Variants in CACNA2D3 observed in about 807,000 individuals in gnomAD.
CACNA2D3 encodes voltage-dependent calcium channel subunit alpha-2/delta-3.
In CACNA2D3, 60 loss-of-function variants were observed where a neutral mutation model predicts 160.6. The ratio of observed to expected loss-of-function variants is 0.37; its 90% CI spans 0.30 to 0.46. CACNA2D3 has a LOEUF of 0.46. Among genes scored for constraint, CACNA2D3 ranks in the 20% least tolerant of loss-of-function variants. The pLI is 1.00. For missense variants in CACNA2D3, 1,205 were observed against 1,365.0 expected, an observed-to-expected ratio of 0.88 and a Z score of 1.85; for synonymous variants, 558 against 492.9, an observed-to-expected ratio of 1.13 and a Z score of -1.75.
At chr3:54,645,321 A>G (rs1559537541) in intron 11 of CACNA2D3, among the ~76,000 whole-genome samples, 1 of 152,210 alleles carries the variant, frequency 6.6e-6, no homozygotes, top group Non-Finnish European at 1.5e-5. Context: ...AGCTCCCTCA[A>G]CATCTGGGGA....
At chr3:54,142,260 C>T (rs1422230774) in intron 2 of CACNA2D3, among the ~76,000 whole-genome samples, 1 of 152,182 alleles carries the variant, frequency 6.6e-6, no homozygotes, top group Non-Finnish European at 1.5e-5. Context: ...GCCCTTCGTT[C>T]TCTTGTTTCT....
At chr3:54,452,923 G>T (rs965424893) in intron 4 of CACNA2D3, among the ~76,000 whole-genome samples, 1 of 151,820 alleles carries the variant, frequency 6.6e-6, no homozygotes, top group African/African-American at 2.4e-5. Context: ...ATCTTCCCTC[G>T]GTGTTCGTCT....
At chr3:54,277,176 C>A (rs1702763554) in intron 2 of CACNA2D3, among the ~76,000 whole-genome samples, 1 of 152,230 alleles carries the variant, frequency 6.6e-6, no homozygotes, top group African/African-American at 2.4e-5. Context: ...AACGTCTGCC[C>A]TTTCCTCCCT....
In CACNA2D3 at chr3:54,839,382, A is replaced by G. The variant is rs1389269853; in HGVS notation, c.1551+734A>G. ...GGGAGGGGGATGCCCTTGAGGCACA[A>G]CCCAGGCACACAGCACTGCCCAAGA... On this transcript the variant is annotated intron_variant, in intron 16 of 37. Transcript: ENST00000474759. 3.9e-5 allele frequency among the ~76,000 whole-genome samples: 6 copies of G among 152,176 alleles called. No individual in the cohort carries two copies. In the East Asian group the frequency reaches 1.2e-3, roughly 29 times the overall value.
chr3:54,207,396 T>C (rs1180867509), intron 2 of CACNA2D3, among the ~76,000 whole-genome samples: 1 of 150,760 alleles, frequency 6.6e-6, no homozygotes, highest in Non-Finnish European at 1.5e-5. Flanking sequence ...CACTGTGTCC[T>C]CTGTGTGATT....
chr3:54,342,921 A>G (rs7618315), intron 3 of CACNA2D3, among the ~76,000 whole-genome samples: 103,986 of 152,000 alleles, frequency 0.68, 35,819 homozygotes, highest in Non-Finnish European at 0.73. Context: ...GAGGAGCATG[A>G]GGCCCGGGGG....
intron 13 of CACNA2D3, among the ~76,000 whole-genome samples, chr3:54,791,609 T>G (rs1026687021): frequency 6.6e-6 from 1 of 152,194 alleles, no homozygotes; most frequent in Non-Finnish European, 1.5e-5. Context: ...ATGAGAAAAC[T>G]GTTGGTTTAT....
At chr3:54,738,448 C>T (rs900868040) in intron 11 of CACNA2D3, among the ~76,000 whole-genome samples, 3 of 152,224 alleles carry the variant, frequency 2.0e-5, no homozygotes, top group Non-Finnish European at 4.4e-5. Flanking sequence ...AAAGTCAACT[C>T]AGTTCCAGCA....
At chr3:54,992,879 T>A (rs567138640) in intron 31 of CACNA2D3, among the ~76,000 whole-genome samples, 16 of 151,974 alleles carry the variant, frequency 1.1e-4, no homozygotes, top group African/African-American at 3.9e-4. Flanking sequence ...ACAGGAAGCA[T>A]GGCTGGGGAG....
At chr3:54,423,565 G>A (rs1699869307) in intron 4 of CACNA2D3, among the ~76,000 whole-genome samples, 1 of 152,148 alleles carries the variant, frequency 6.6e-6, no homozygotes, top group Admixed American at 6.5e-5. Flanking sequence ...TGTTGACTGT[G>A]GGCTGCAGGC....
chr3:54,803,625 C>A (rs1362907498), intron 13 of CACNA2D3, among the ~76,000 whole-genome samples: 1 of 152,180 alleles, frequency 6.6e-6, no homozygotes, highest in African/African-American at 2.4e-5. Context: ...AGTTGGAAAA[C>A]ACTCTGCAGG....
chr3:54,176,716 T>G (rs1239418507), intron 2 of CACNA2D3, among the ~76,000 whole-genome samples: 1 of 152,238 alleles, frequency 6.6e-6, no homozygotes, highest in Non-Finnish European at 1.5e-5. Flanking sequence ...AAAACTACCC[T>G]ATACTTATTC....
chr3:55,017,893 T>C (rs932657144), intron 34 of CACNA2D3, among the ~76,000 whole-genome samples: 6 of 152,222 alleles, frequency 3.9e-5, no homozygotes, highest in African/African-American at 1.2e-4. Flanking sequence ...GATACACATA[T>C]GTGTTGTTGC....
At chr3:55,068,344 G>A (rs143154699) in intron 35 of CACNA2D3, among the ~76,000 whole-genome samples, 107 of 152,288 alleles carry the variant, frequency 7.0e-4, no homozygotes, top group African/African-American at 1.2e-3. Flanking sequence ...AGAATTGAGC[G>A]CATTTAATTT....
At chr3:54,634,972 T>G (rs1699333387) in intron 10 of CACNA2D3, among the ~76,000 whole-genome samples, 1 of 151,828 alleles carries the variant, frequency 6.6e-6, no homozygotes, top group Non-Finnish European at 1.5e-5. Context: ...AACAAGATAG[T>G]GTTGAAGTGT....
intron 11 of CACNA2D3, among the ~76,000 whole-genome samples, chr3:54,729,587 G>C (rs1701345764): frequency 6.6e-6 from 1 of 152,206 alleles, no homozygotes; most frequent in Non-Finnish European, 1.5e-5. Flanking sequence ...AGAAATGCCA[G>C]CTTTCCTCCA....
intron 4 of CACNA2D3, among the ~76,000 whole-genome samples, chr3:54,466,149 G>A (rs1161219003): frequency 6.6e-6 from 1 of 152,146 alleles, no homozygotes; most frequent in East Asian, 1.9e-4. Flanking sequence ...AAGGTCAACT[G>A]ACTCAAGACT....
chr3:54,754,762 C>T (rs17054340), intron 12 of CACNA2D3, among the ~76,000 whole-genome samples: 29,626 of 152,084 alleles, frequency 0.19, 3,124 homozygotes, highest in African/African-American at 0.24. Flanking sequence ...GTTTGGACTT[C>T]AGTGGAGAAA....
chr3:54,638,591 C>T (rs1699431958), intron 10 of CACNA2D3: 1 of 151,824 alleles, frequency 6.6e-6, no homozygotes, highest in Non-Finnish European at 1.5e-5. Context: ...ATTAGAAAGA[C>T]TCAGTGACGC....
Sources: allele counts gnomAD v4.1 joint callset (sites outside exome capture counted in the v4.1 genomes callset), GRCh38; gene constraint gnomAD v4.1.1; transcripts MANE v1.5; gene names NCBI Gene and HGNC (gene_info 2026-07-23, HGNC 2026-07-21).